Variants in TBCEL observed in about 807,000 individuals in gnomAD.
TBCEL encodes tubulin-specific chaperone cofactor E-like protein.
In TBCEL, 15 loss-of-function variants were observed where a neutral mutation model predicts 44.2. The observed-to-expected ratio is 0.34, with a 90% CI of 0.23 to 0.52. TBCEL has a LOEUF of 0.52. Ranked by LOEUF, TBCEL falls within the 20% of genes least tolerant of loss-of-function variation. The pLI, the probability that TBCEL is intolerant of heterozygous loss-of-function variation, is 0.95. For missense variants in TBCEL, 319 were observed against 506.3 expected, an observed-to-expected ratio of 0.63 and a Z score of 3.55; for synonymous variants, 171 against 185.4, an observed-to-expected ratio of 0.92 and a Z score of 0.63.
intron 4 of TBCEL, among the ~76,000 whole-genome samples, chr11:121,048,157 A>G (rs918313755): frequency 1.3e-5 from 2 of 151,844 alleles, no homozygotes; most frequent in African/African-American, 4.8e-5. Context: ...TCACTAATTT[A>G]TACATCTTAT....
intron 1 of TBCEL, among the ~76,000 whole-genome samples, chr11:121,024,959 A>G (rs1199464305): frequency 6.6e-6 from 1 of 152,148 alleles, no homozygotes; most frequent in African/African-American, 2.4e-5. Context: ...GGGGGAAGTA[A>G]GGATCTGTGT....
At chr11:121,044,065 CT>C (rs1945384053) in intron 2 of TBCEL, among the ~76,000 whole-genome samples, 1 of 152,098 alleles carries the variant, frequency 6.6e-6, no homozygotes, top group Admixed American at 6.6e-5. Flanking sequence ...TCATTTTTGA[CT>C]TTACCTTCTC....
At chr11:121,083,865 T>C (rs1271221960) in intron 8 of TBCEL, among the ~76,000 whole-genome samples, 1 of 152,244 alleles carries the variant, frequency 6.6e-6, no homozygotes, top group Non-Finnish European at 1.5e-5. Context: ...TAGTTCATTT[T>C]GTGTTGCTAT....
intron 3 of TBCEL, 78 bp downstream of exon 3, chr11:121,045,901 A>C: frequency 1.5e-6 from 2 of 1,369,824 alleles, no homozygotes; most frequent in Non-Finnish European, 1.9e-6. Context: ...CCTTGTTTGC[A>C]AATGATTTAT....
At chr11:121,044,176 A>C (rs1945385963) in intron 2 of TBCEL, among the ~76,000 whole-genome samples, 1 of 152,006 alleles carries the variant, frequency 6.6e-6, no homozygotes, top group Non-Finnish European at 1.5e-5. Flanking sequence ...TCAAGCTCTC[A>C]CGATCTCTCT....
chr11:121,031,165 T>C (rs1945136437), intron 1 of TBCEL, among the ~76,000 whole-genome samples: 1 of 152,212 alleles, frequency 6.6e-6, no homozygotes, highest in South Asian at 2.1e-4. Flanking sequence ...TTTTACTTAT[T>C]TCCTGGTGCA....
intron 1 of TBCEL, among the ~76,000 whole-genome samples, chr11:121,032,430 C>T (rs188614217): frequency 1.3e-5 from 2 of 152,236 alleles, no homozygotes; most frequent in Admixed American, 1.3e-4. Context: ...TTCCTGCGAG[C>T]CTCTGATCAT....
At chr11:121,060,905 G>T (rs995523647) in intron 8 of TBCEL, among the ~76,000 whole-genome samples, 1 of 151,910 alleles carries the variant, frequency 6.6e-6, no homozygotes, top group Admixed American at 6.6e-5. Context: ...AATGTCTGTG[G>T]CTTTAATTTA....
At chr11:121,085,501 T>G (rs965171586) in intron 8 of TBCEL, among the ~76,000 whole-genome samples, 49 of 152,192 alleles carry the variant, frequency 3.2e-4, no homozygotes, top group African/African-American at 1.2e-3. Context: ...TTATTCCTAA[T>G]TTTACTAATG....
intron 2 of TBCEL, among the ~76,000 whole-genome samples, chr11:121,041,332 A>G (rs1945329143): frequency 6.6e-6 from 1 of 152,176 alleles, no homozygotes; most frequent in Non-Finnish European, 1.5e-5. Flanking sequence ...GTAATTGGCA[A>G]AAGTGTACTG....
In TBCEL at chr11:121,048,617, T is replaced by C. The variant is rs527492415; in HGVS notation, c.273+950T>C. Among the ~76,000 whole-genome samples the C allele has an allele frequency of 1.2e-4, 19 of 152,052 alleles. No homozygotes were observed. The South Asian group carries it at 3.9e-3, about 31-fold the overall frequency. ...GTTTCTGCTAAGCTGTCTTCCGTAG[T>C]GCTACCACAGACTCCTTTTAATATA... On this transcript the variant is annotated intron_variant, in intron 4 of 8. Transcript: ENST00000683345.
At chr11:121,062,459 T>C (rs1167174424) in intron 8 of TBCEL, among the ~76,000 whole-genome samples, 1 of 152,176 alleles carries the variant, frequency 6.6e-6, no homozygotes, top group African/African-American at 2.4e-5. Context: ...TATACCAGCG[T>C]CACTCAAGTG....
intron 1 of TBCEL, among the ~76,000 whole-genome samples, chr11:121,024,759 A>C (rs1945016500): frequency 6.6e-6 from 1 of 152,046 alleles, no homozygotes. Context: ...GTCCCCAGGG[A>C]GGTTTGCTGG....
At chr11:121,025,580 C>T (rs1160523021) in intron 1 of TBCEL, among the ~76,000 whole-genome samples, 1 of 152,098 alleles carries the variant, frequency 6.6e-6, no homozygotes, top group Non-Finnish European at 1.5e-5. Context: ...TGCTGGCTGA[C>T]ATTTACTAAA....
intron 7 of TBCEL, among the ~76,000 whole-genome samples, chr11:121,059,361 A>G (rs1591400772): frequency 1.3e-5 from 2 of 151,934 alleles, no homozygotes; most frequent in Admixed American, 6.6e-5. Flanking sequence ...TTAATTCTTG[A>G]ATTATATAAC....
At chr11:121,073,962 T>C (rs1280755592) in intron 8 of TBCEL, among the ~76,000 whole-genome samples, 2 of 152,006 alleles carry the variant, frequency 1.3e-5, no homozygotes, top group African/African-American at 2.4e-5. Context: ...TATAATGTTA[T>C]TTGGGATGTT....
chr11:121,087,581 A>G lies in TBCEL; in HGVS notation c.*485A>G, dbSNP rs78898111. The G allele has an allele frequency of 0.01, 1,512 of 148,556 alleles. 10 individuals carry two copies. The highest frequency in any genetic ancestry group is 0.019 in the African/African-American group (775 of 40,004). The allele number at this position is 148,556 out of a possible 1,614,324, so 9.2% of individuals were successfully genotyped here. On this transcript the variant is annotated 3_prime_UTR_variant, in exon 9 of 9. Coordinates refer to ENST00000683345, the MANE Select transcript of TBCEL (RefSeq NM_001363644.2). ...TCCTTGGCTTTTTTGGTTCAGTTCC[A>G]TTTTTTTTTCATTTTGACATGTGGT...
intron 8 of TBCEL, among the ~76,000 whole-genome samples, chr11:121,060,422 G>T (rs1332111870): frequency 6.6e-6 from 1 of 150,454 alleles, no homozygotes; most frequent in Admixed American, 6.6e-5. Flanking sequence ...AAATTAGTCT[G>T]TTCATTCATG....
intron 8 of TBCEL, among the ~76,000 whole-genome samples, chr11:121,075,382 AG>A (rs1303316656): frequency 6.6e-6 from 1 of 151,964 alleles, no homozygotes; most frequent in Non-Finnish European, 1.5e-5. Flanking sequence ...TGTTGAGAAA[AG>A]CTTAGTGTTG....
Sources: gnomAD v4.1 joint callset for allele counts (sites outside exome capture counted in the v4.1 genomes callset) on GRCh38, gnomAD v4.1.1 for gene constraint, MANE v1.5 for transcripts, NCBI Gene and HGNC (gene_info 2026-07-23, HGNC 2026-07-21) for gene names.